The following CNTN4 variants were observed in gnomAD, a reference collection of about 807,000 sequenced individuals.
The protein encoded by CNTN4 is contactin 4, also known as contactin-4.
A neutral mutation model predicts 122.5 loss-of-function variants in CNTN4; 77 were observed. The observed-to-expected ratio is 0.63, with a 90% CI of 0.52 to 0.76. The LOEUF (loss-of-function observed/expected upper bound fraction) is 0.76. CNTN4 is among the 30% of genes least tolerant of loss of function. The pLI, the probability that CNTN4 is intolerant of heterozygous loss-of-function variation, is 0.00. For missense variants in CNTN4, 1,256 were observed against 1,259.1 expected (o/e 1.00, Z 0.04); for synonymous variants, 512 against 447.0 (o/e 1.15, Z -1.83).
At chr3:2,853,982 G>C (rs1041056562) in intron 7 of CNTN4, among the ~76,000 whole-genome samples, 4 of 152,128 alleles carry the variant, frequency 2.6e-5, no homozygotes, top group Non-Finnish European at 5.9e-5. Context: ...GGCAAACCTG[G>C]TAATAAAGCC....
chr3:2,132,194 G>T (rs2034482824), intron 2 of CNTN4, among the ~76,000 whole-genome samples: 1 of 152,130 alleles, frequency 6.6e-6, no homozygotes. Context: ...TTCCTGGCCA[G>T]CCAGCTGCTA....
chr3:2,289,747 C>A (rs944400065), intron 2 of CNTN4, among the ~76,000 whole-genome samples: 2 of 152,128 alleles, frequency 1.3e-5, no homozygotes, highest in African/African-American at 4.8e-5. Context: ...AATTTAGAGG[C>A]TTCTTGCAAC....
At chr3:2,897,390 T>A (rs186327024) in intron 10 of CNTN4, among the ~76,000 whole-genome samples, 1 of 152,134 alleles carries the variant, frequency 6.6e-6, no homozygotes, top group Admixed American at 6.5e-5. Context: ...TCTCTTTTAA[T>A]ATGTGAATGT....
At chr3:2,475,697 C>A (rs2075817219) in intron 3 of CNTN4, among the ~76,000 whole-genome samples, 1 of 152,014 alleles carries the variant, frequency 6.6e-6, no homozygotes, top group Non-Finnish European at 1.5e-5. Context: ...CACTTGCCTG[C>A]CCTATATTAA....
At chr3:2,561,003 T>G (rs557515006) in intron 3 of CNTN4, among the ~76,000 whole-genome samples, 88 of 152,338 alleles carry the variant, frequency 5.8e-4, no homozygotes, top group African/African-American at 1.9e-3. Flanking sequence ...TATCTGATTT[T>G]CTGATGTGGC....
At chr3:2,503,637 C>G (rs886974159) in intron 3 of CNTN4, among the ~76,000 whole-genome samples, 2 of 152,200 alleles carry the variant, frequency 1.3e-5, no homozygotes, top group East Asian at 1.9e-4. Context: ...GGCTGTCTGA[C>G]TCTAGAATTT....
chr3:2,534,622 C>T (rs891499683), intron 3 of CNTN4, among the ~76,000 whole-genome samples: 4 of 151,890 alleles, frequency 2.6e-5, no homozygotes, highest in Admixed American at 2.6e-4. Flanking sequence ...ATTACGTGTC[C>T]TCTGGCACTG....
At chr3:2,588,142 G>T (rs2080291498) in intron 4 of CNTN4, among the ~76,000 whole-genome samples, 1 of 151,936 alleles carries the variant, frequency 6.6e-6, no homozygotes, top group South Asian at 2.1e-4. Flanking sequence ...TAGCCGTAAA[G>T]ATAAAGACAA....
At chr3:2,646,527 A>G (rs932517298) in intron 4 of CNTN4, among the ~76,000 whole-genome samples, 4 of 152,224 alleles carry the variant, frequency 2.6e-5, no homozygotes, top group African/African-American at 4.8e-5. Context: ...TAAGCACTCA[A>G]TGAATGTTAA....
At chr3:2,628,177 C>A (rs910188461) in intron 4 of CNTN4, among the ~76,000 whole-genome samples, 2 of 152,188 alleles carry the variant, frequency 1.3e-5, no homozygotes, top group African/African-American at 4.8e-5. Flanking sequence ...CTGGAGGAGC[C>A]TCAGCATATT....
chr3:2,297,328 A>G (rs1295095691), intron 2 of CNTN4, among the ~76,000 whole-genome samples: 1 of 152,242 alleles, frequency 6.6e-6, no homozygotes, highest in African/African-American at 2.4e-5. Flanking sequence ...AATCATCTGT[A>G]TACATCATAC....
At chr3:2,716,577 G>A (rs992171006) in intron 4 of CNTN4, among the ~76,000 whole-genome samples, 1 of 151,884 alleles carries the variant, frequency 6.6e-6, no homozygotes, top group African/African-American at 2.4e-5. Flanking sequence ...CATAAAAATT[G>A]GCTATAATTA....
intron 12 of CNTN4, among the ~76,000 whole-genome samples, chr3:2,916,974 G>C (rs529951216): frequency 7.5e-6 from 1 of 132,776 alleles, no homozygotes; most frequent in Non-Finnish European, 1.6e-5. Flanking sequence ...AGGTTGCAGC[G>C]AGCCGAGATC....
chr3:2,107,253 A>G (rs1444825118), intron 2 of CNTN4, among the ~76,000 whole-genome samples: 1 of 152,128 alleles, frequency 6.6e-6, no homozygotes, highest in Non-Finnish European at 1.5e-5. Flanking sequence ...TGCAGTACCA[A>G]TTTACTGCAT....
chr3:2,794,412 G>T (rs929177840), intron 6 of CNTN4, among the ~76,000 whole-genome samples: 2 of 152,090 alleles, frequency 1.3e-5, no homozygotes, highest in African/African-American at 4.8e-5. Context: ...GTCCCAAAAA[G>T]GAGATACAAT....
chr3:2,871,889 A>T (rs1227007573), intron 8 of CNTN4, among the ~76,000 whole-genome samples: 1 of 152,218 alleles, frequency 6.6e-6, no homozygotes, highest in Non-Finnish European at 1.5e-5. Context: ...ATGTGAGAAC[A>T]GATTTTATCA....
intron 2 of CNTN4, among the ~76,000 whole-genome samples, chr3:2,265,311 C>T (rs2040998972): frequency 6.6e-6 from 1 of 152,018 alleles, no homozygotes; most frequent in South Asian, 2.1e-4. Flanking sequence ...ATTGTATCAG[C>T]ACCATTTTTA....
intron 9 of CNTN4, among the ~76,000 whole-genome samples, 199 bp from the exon 10 acceptor site, chr3:2,886,841 G>C (rs2093984805): frequency 6.6e-6 from 1 of 152,124 alleles, no homozygotes; most frequent in East Asian, 1.9e-4. Context: ...GTTAAGAAAA[G>C]TTATTTGATT....
intron 13 of CNTN4, among the ~76,000 whole-genome samples, chr3:2,986,562 A>G (rs1209914433): frequency 6.6e-6 from 1 of 152,182 alleles, no homozygotes; most frequent in Non-Finnish European, 1.5e-5. Flanking sequence ...AGCCTTCAAA[A>G]AAGTATATGC....
Sources: gnomAD v4.1 joint callset for allele counts (sites outside exome capture counted in the v4.1 genomes callset) on GRCh38, gnomAD v4.1.1 for gene constraint, MANE v1.5 for transcripts, NCBI Gene and HGNC (gene_info 2026-07-23, HGNC 2026-07-21) for gene names.